PPEF2: variants seen among roughly 807,000 people sequenced by gnomAD.
The protein encoded by PPEF2 is serine/threonine-protein phosphatase with EF-hands 2.
A neutral mutation model predicts 84.7 loss-of-function variants in PPEF2; 84 were observed. The observed-to-expected ratio is 0.99, with a 90% confidence interval of 0.83 to 1.19. The LOEUF (loss-of-function observed/expected upper bound fraction) is 1.19, where lower values mean the gene tolerates loss of function less well. PPEF2 is among the 50% of genes most tolerant of loss of function. The pLI is 0.00. For synonymous variants in PPEF2, 346 were observed against 345.2 expected, an observed-to-expected ratio of 1.00 and a Z score of -0.03; for missense variants, 924 against 937.5, an observed-to-expected ratio of 0.99 and a Z score of 0.19.
At chr4:75,869,348 C>A (rs1222163242) in intron 13 of PPEF2, among the ~76,000 whole-genome samples, 1 of 152,182 alleles carries the variant, frequency 6.6e-6, no homozygotes, top group Non-Finnish European at 1.5e-5. Context: ...AATCCCTCAA[C>A]ACTCATTGAA....
Position 75,871,987 on chromosome 4 carries a change from A to AT in PPEF2, c.1649+37dup, listed in dbSNP as rs201465969. ...ATTCAAAGATTCTATGAACACTATA[A>AT]TTTTTTTTTCTGAAAATCACTCATT... On this transcript the variant is annotated intron_variant, in intron 13 of 16. Transcript: ENST00000286719. 2.4e-3 allele frequency: 3,608 copies of AT among 1,505,064 alleles called. 41 individuals carry two copies. In the African/African-American group the frequency reaches 0.03, roughly 13 times the overall value. The allele number at this position is 1,505,064 out of a possible 1,614,324, so 93.2% of individuals were successfully genotyped here. A position where few individuals can be genotyped will look rare whatever the true frequency, so the allele number is the denominator to read the frequency against.
chr4:75,892,061 G>T, intron 2 of PPEF2, 83 bp from the exon 3 acceptor site: 1 of 1,540,902 alleles, frequency 6.5e-7, no homozygotes, highest in Non-Finnish European at 8.9e-7. Flanking sequence ...AAGCTGCTCA[G>T]CCCTCTCCCA....
chr4:75,890,041 G>T lies in PPEF2; in HGVS notation c.333C>A (p.Pro111=). ...AGAGGCGTGGCCCCGTGTAACTGTCGGGTACCTCTATGGATTCATAGTCAC... is the reference window on the plus strand; with the variant it reads ...AGAGGCGTGGCCCCGTGTAACTGTCTGGTACCTCTATGGATTCATAGTCAC... ...KCSDYESIEV[P]DSYTGPRLSF... Residue 111 remains proline (P), a synonymous_variant, in exon 5 of 17, where the codon CCC becomes CCA. Coordinates refer to ENST00000286719, the MANE Select transcript of PPEF2 (RefSeq NM_006239.3). 6.2e-7 allele frequency: 1 copy of T among 1,614,032 alleles called. No homozygotes were observed. Among genetic ancestry groups the T allele is most frequent in the Non-Finnish European group, 8.5e-7 (1 of 1,179,976 alleles).
intron 2 of PPEF2, among the ~76,000 whole-genome samples, chr4:75,894,649 G>A (rs1225437581): frequency 1.3e-5 from 2 of 152,140 alleles, no homozygotes; most frequent in Non-Finnish European, 2.9e-5. Context: ...CACCTGTATG[G>A]GGATGAGAGT....
At chr4:75,877,112 A>T (rs1724446013) in intron 10 of PPEF2, among the ~76,000 whole-genome samples, 2 of 151,844 alleles carry the variant, frequency 1.3e-5, no homozygotes, top group Non-Finnish European at 1.5e-5. Context: ...AGGCAGGCTG[A>T]TCACCTGCCT....
chr4:75,901,558 G>A (rs995118925), intron 1 of PPEF2, among the ~76,000 whole-genome samples: 2 of 151,472 alleles, frequency 1.3e-5, no homozygotes, highest in South Asian at 2.1e-4. Context: ...AGGGGAAGTA[G>A]AATAATTCTC....
At chr4:75,862,624 C>T in intron 16 of PPEF2, among the ~76,000 whole-genome samples, 1 of 151,672 alleles carries the variant, frequency 6.6e-6, no homozygotes, top group Non-Finnish European at 1.5e-5. Flanking sequence ...AAAAAAAACC[C>T]CACAAAAAAC....
chr4:75,871,074 C>T (rs796125650), intron 13 of PPEF2, among the ~76,000 whole-genome samples: 7 of 151,952 alleles, frequency 4.6e-5, no homozygotes, highest in African/African-American at 1.7e-4. Context: ...TGTACCACCA[C>T]GCCTGGCTAA....
At chr4:75,878,832 G>A (rs1033207956) in intron 10 of PPEF2, among the ~76,000 whole-genome samples, 2 of 152,128 alleles carry the variant, frequency 1.3e-5, no homozygotes, top group Non-Finnish European at 2.9e-5. Flanking sequence ...AGGCTGGAGT[G>A]CAGTGGTGCG....
In PPEF2 at chr4:75,884,606, A is replaced by G; in HGVS notation, c.734T>C (p.Met245Thr). The change falls in exon 8 of 17, where the codon ATG (methionine) becomes ACG (threonine). Residue 245 changes from methionine to threonine, a missense_variant. Physicochemically the swap from Met to Thr is moderately conservative, Grantham distance 81. Coordinates refer to ENST00000286719, the MANE Select transcript of PPEF2 (RefSeq NM_006239.3). ...HLNRGNHEDHMVNLRYGFTKE... is the reference protein window; with the variant it reads ...HLNRGNHEDHTVNLRYGFTKE... The stretch of plus-strand genomic sequence containing the variant: ...TTTTGACTTGTACCGTAAGTTCACC[A>G]TATGGTCCTCATGGTTTCCTCTGTT... The G allele has an allele frequency of 1.9e-6, 3 of 1,603,552 alleles. No individual in the cohort carries two copies. Among genetic ancestry groups the G allele is most frequent in the Non-Finnish European group, 2.5e-6 (3 of 1,177,460 alleles).
At chr4:75,865,307 A>G (rs1044193492) in intron 15 of PPEF2, among the ~76,000 whole-genome samples, 6 of 152,154 alleles carry the variant, frequency 3.9e-5, no homozygotes, top group Non-Finnish European at 7.4e-5. Context: ...ACATTGAACC[A>G]TCAGAAAGCA....
chr4:75,883,440 T>C (rs1305512781), intron 8 of PPEF2: 7 of 544,518 alleles, frequency 1.3e-5, no homozygotes, highest in Non-Finnish European at 2.3e-5. Flanking sequence ...CTATCATGAA[T>C]CTCTATTATT....
chr4:75,896,316 C>G lies in PPEF2; in HGVS notation c.10G>C (p.Gly4Arg). 6.2e-7 allele frequency: 1 copy of G among 1,614,146 alleles called. No individual in the cohort carries two copies. Among genetic ancestry groups the G allele is most frequent in the Non-Finnish European group, 8.5e-7 (1 of 1,180,024 alleles). ...GCAAAATGATGTTGGGTGGAGGTGCCGCTTCCCATAGTTTAAGCGCAATGC... is the reference window on the plus strand; with the variant it reads ...GCAAAATGATGTTGGGTGGAGGTGCGGCTTCCCATAGTTTAAGCGCAATGC... MGS[G>R]TSTQHHFAFQ... Residue 4 changes from glycine (G) to arginine (R), a missense_variant, in exon 2 of 17, where the codon GGC (glycine) becomes CGC (arginine). Coordinates refer to ENST00000286719, the MANE Select transcript of PPEF2 (RefSeq NM_006239.3).
chr4:75,878,811 GCT>G (rs1270560841), intron 10 of PPEF2, among the ~76,000 whole-genome samples: 6 of 151,990 alleles, frequency 3.9e-5, no homozygotes, highest in African/African-American at 1.5e-4. Flanking sequence ...ATGGAGTCTC[GCT>G]CTGTCACCAG....
chr4:75,865,524 T>C (rs1367648471), intron 15 of PPEF2, among the ~76,000 whole-genome samples: 1 of 152,094 alleles, frequency 6.6e-6, no homozygotes, highest in Non-Finnish European at 1.5e-5. Context: ...TAGCTGGGTC[T>C]ACAGGCATAT....
chr4:75,882,098 A>C (rs1169962519), intron 10 of PPEF2: 4 of 152,152 alleles, frequency 2.6e-5, no homozygotes, highest in Non-Finnish European at 5.9e-5. Flanking sequence ...TTATTGGTAA[A>C]TCATACATTC....
rs772472118 is a variant in PPEF2 at position 75,866,298 on chromosome 4, C to A, written c.1811G>T (p.Gly604Val). 3 of 1,614,116 alleles carry A rather than the reference C, an allele frequency of 1.9e-6. No homozygotes were observed. Among genetic ancestry groups the A allele is most frequent in the South Asian group, 1.1e-5 (1 of 91,064 alleles). Reference protein sequence around the residue: ...AAAVESVLHLGLPWRMLRPQL... With the variant: ...AAAVESVLHLVLPWRMLRPQL... Reference sequence around the variant, plus strand: ...TGGCCTCAGCATCCGCCATGGCAGTCCTAGGTGCAACACAGACTCCACCGC... The same window carrying A: ...TGGCCTCAGCATCCGCCATGGCAGTACTAGGTGCAACACAGACTCCACCGC... Residue 604 changes from glycine (G) to valine (V), a missense_variant, in exon 15 of 17, where the codon GGA (glycine) becomes GTA (valine). Physicochemically the swap from Gly to Val is moderately radical, Grantham distance 109. Transcript: ENST00000286719.
Position 75,873,148 on chromosome 4 carries a change from A to G in PPEF2, c.1485T>C (p.Tyr495=). 6.2e-7 allele frequency: 1 copy of G among 1,614,084 alleles called. No homozygotes were observed. Among genetic ancestry groups the G allele is most frequent in the East Asian group, 2.2e-5 (1 of 44,890 alleles). ...IRSHECKPEG[Y]EFCHNRKVLT... is the part of the protein sequence containing the mutation. ...CCACCTTGCGGTTGTGACAGAATTCATAGCCTTCAGGTTTGCATTCATGTG... is the reference window on the plus strand; with the variant it reads ...CCACCTTGCGGTTGTGACAGAATTCGTAGCCTTCAGGTTTGCATTCATGTG... The change falls in exon 12 of 17, where the codon TAT becomes TAC. Residue 495 remains tyrosine, a synonymous_variant. Coordinates refer to ENST00000286719, the MANE Select transcript of PPEF2 (RefSeq NM_006239.3).
intron 16 of PPEF2, among the ~76,000 whole-genome samples, chr4:75,863,580 G>A (rs1335794214): frequency 6.6e-6 from 1 of 151,332 alleles, no homozygotes; most frequent in African/African-American, 2.4e-5. Context: ...GAACCACTAA[G>A]TTGCATACTT....
Sources: allele counts gnomAD v4.1 joint callset (sites outside exome capture counted in the v4.1 genomes callset), GRCh38; gene constraint gnomAD v4.1.1; transcripts MANE v1.5; gene names NCBI Gene and HGNC (gene_info 2026-07-23, HGNC 2026-07-21).